TSPAN5: variants seen among roughly 807,000 people sequenced by gnomAD.
TSPAN5 encodes the protein tetraspanin-5.
In TSPAN5, 10 loss-of-function variants were observed where a neutral mutation model predicts 37.1. The ratio of observed to expected loss-of-function variants is 0.27; its 90% CI spans 0.17 to 0.46. The LOEUF (loss-of-function observed/expected upper bound fraction) is 0.46. Ranked by LOEUF, TSPAN5 falls within the 20% of genes least tolerant of loss-of-function variation. The pLI is 1.00. For synonymous variants in TSPAN5, 110 were observed against 118.9 expected (o/e 0.93, Z 0.48); for missense variants, 195 against 326.6 (o/e 0.60, Z 3.11).
intron 5 of TSPAN5, 124 bp from the exon 6 acceptor site, chr4:98,476,584 G>C (rs776035563): frequency 8.4e-6 from 7 of 836,800 alleles, no homozygotes; most frequent in Non-Finnish European, 1.4e-5. Context: ...AAAGACTGCA[G>C]CACTATGTTA....
chr4:98,607,307 T>C (rs532380456), intron 1 of TSPAN5, among the ~76,000 whole-genome samples: 93 of 152,232 alleles, frequency 6.1e-4, no homozygotes, highest in Non-Finnish European at 1.3e-4. Flanking sequence ...ATTAGTTTTG[T>C]GGAAGTGGAA....
intron 1 of TSPAN5, among the ~76,000 whole-genome samples, chr4:98,588,387 C>G (rs537237595): frequency 8.7e-5 from 13 of 150,006 alleles, no homozygotes; most frequent in African/African-American, 1.2e-4. Context: ...GTGTTAACTT[C>G]GGTTCAAAAA....
At chr4:98,554,636 C>T (rs1399417487) in intron 1 of TSPAN5, among the ~76,000 whole-genome samples, 4 of 152,118 alleles carry the variant, frequency 2.6e-5, no homozygotes, top group Non-Finnish European at 4.4e-5. Context: ...TGGTTAAATG[C>T]CTTTGCACGC....
chr4:98,481,285 C>G (rs928227647), intron 4 of TSPAN5, among the ~76,000 whole-genome samples: 1 of 152,142 alleles, frequency 6.6e-6, no homozygotes, highest in African/African-American at 2.4e-5. Context: ...CCCAGGGTCC[C>G]TTATCAGATT....
intron 1 of TSPAN5, among the ~76,000 whole-genome samples, chr4:98,634,829 AAC>A (rs1316883277): frequency 2.6e-5 from 4 of 152,218 alleles, no homozygotes; most frequent in African/African-American, 9.6e-5. Flanking sequence ...AGGGATTATA[AAC>A]CCAACTGGAC....
At chr4:98,624,054 T>G (rs1270030123) in intron 1 of TSPAN5, among the ~76,000 whole-genome samples, 2 of 152,164 alleles carry the variant, frequency 1.3e-5, no homozygotes, top group Admixed American at 1.3e-4. Context: ...ATTACCAAAT[T>G]GAATCATATT....
At chr4:98,591,943 T>C (rs1246089234) in intron 1 of TSPAN5, among the ~76,000 whole-genome samples, 2 of 151,402 alleles carry the variant, frequency 1.3e-5, no homozygotes, top group South Asian at 4.2e-4. Context: ...GAAGGACTTA[T>C]ACTCCCTTAT....
chr4:98,598,351 A>G (rs1755800994), intron 1 of TSPAN5, among the ~76,000 whole-genome samples: 2 of 147,224 alleles, frequency 1.4e-5, no homozygotes, highest in Non-Finnish European at 3.0e-5. Context: ...CTCCCTAGTG[A>G]GATGAACCCG....
At chr4:98,604,460 G>T (rs1464527912) in intron 1 of TSPAN5, among the ~76,000 whole-genome samples, 1 of 152,184 alleles carries the variant, frequency 6.6e-6, no homozygotes, top group Non-Finnish European at 1.5e-5. Context: ...AACTGAATTG[G>T]TGAGATGAAT....
rs1046444023 is a variant in TSPAN5, at chr4:98,574,882, A to C, written c.82-67154T>G. 2.2e-4 allele frequency: 34 copies of C among 152,430 alleles called. 1 individual carries two copies. The highest frequency in any genetic ancestry group is 1.5e-5 in the Non-Finnish European group (1 of 68,078). The allele number at this position is 152,430 out of a possible 1,614,324, so 9.4% of individuals were successfully genotyped here. A position where few individuals can be genotyped will look rare whatever the true frequency, so the allele number is the denominator to read the frequency against. On this transcript the variant is annotated intron_variant, in intron 1 of 7. Coordinates refer to ENST00000305798, the MANE Select transcript of TSPAN5 (RefSeq NM_005723.4). ...TAATCCATTTAAATGGTCTTTGTCC[A>C]CTGTCCAATGCATTTAAGTCCTCCT... is the stretch of plus-strand genomic sequence containing the variant.
At chr4:98,554,165 T>C (rs956415208) in intron 1 of TSPAN5, among the ~76,000 whole-genome samples, 1 of 152,202 alleles carries the variant, frequency 6.6e-6, no homozygotes, top group Non-Finnish European at 1.5e-5. Flanking sequence ...AAGCATAACT[T>C]CAATTCCATT....
At chr4:98,610,528 A>C (rs943577981) in intron 1 of TSPAN5, among the ~76,000 whole-genome samples, 69 of 152,248 alleles carry the variant, frequency 4.5e-4, no homozygotes, top group African/African-American at 1.6e-3. Context: ...TAGGCCCTTC[A>C]TGATGAGCAG....
intron 1 of TSPAN5, among the ~76,000 whole-genome samples, chr4:98,600,440 C>T (rs1482942670): frequency 2.0e-5 from 3 of 152,186 alleles, no homozygotes; most frequent in African/African-American, 7.2e-5. Flanking sequence ...TTCTCAAACC[C>T]TGTTTTATCA....
chr4:98,572,037 G>C (rs980461781), intron 1 of TSPAN5, among the ~76,000 whole-genome samples: 15 of 152,094 alleles, frequency 9.9e-5, no homozygotes, highest in Non-Finnish European at 1.5e-4. Flanking sequence ...ACAGTGGTGC[G>C]ATCCTGGCTC....
chr4:98,592,431 T>TG (rs1755665516), intron 1 of TSPAN5, among the ~76,000 whole-genome samples: 3 of 41,092 alleles, frequency 7.3e-5, no homozygotes, highest in African/African-American at 2.8e-4. Context: ...GTTTTTTGTT[T>TG]TTTTTTTTTT....
At chr4:98,523,737 C>A (rs1173799694) in intron 1 of TSPAN5, among the ~76,000 whole-genome samples, 1 of 152,190 alleles carries the variant, frequency 6.6e-6, no homozygotes, top group East Asian at 1.9e-4. Flanking sequence ...CCGTGCCCAG[C>A]TTTTATCTTT....
intron 1 of TSPAN5, among the ~76,000 whole-genome samples, chr4:98,516,914 G>A (rs1364332074): frequency 2.0e-5 from 3 of 152,160 alleles, no homozygotes; most frequent in Admixed American, 6.5e-5. Context: ...GATGCAGCAT[G>A]GAAGCCCTTG....
In TSPAN5 at chr4:98,486,825, G is replaced by C. The variant is rs774284281; in HGVS notation, c.192C>G (p.Leu64=). Residue 64 remains leucine, a synonymous_variant, in exon 3 of 8, where the codon CTC becomes CTG. Coordinates refer to ENST00000305798, the MANE Select transcript of TSPAN5 (RefSeq NM_005723.4). ...ACATCACTCCTCCCACCACAAGGAAGAGCCAAACTGGGTCAAAGCCGCCGA... is the reference window on the plus strand; with the variant it reads ...ACATCACTCCTCCCACCACAAGGAACAGCCAAACTGGGTCAAAGCCGCCGA... ...TDLGGFDPVW[L]FLVVGGVMFI... 1 of 1,614,128 alleles carries C rather than the reference G, an allele frequency of 6.2e-7. No individual in the cohort carries two copies. Among genetic ancestry groups the C allele is most frequent in the Non-Finnish European group, 8.5e-7 (1 of 1,180,028 alleles).
intron 1 of TSPAN5, among the ~76,000 whole-genome samples, chr4:98,582,562 A>T (rs1755394312): frequency 6.6e-6 from 1 of 152,254 alleles, no homozygotes; most frequent in South Asian, 2.1e-4. Context: ...CACAAATCTC[A>T]TCTCCAAAAA....
Sources: gnomAD v4.1 joint callset for allele counts (sites outside exome capture counted in the v4.1 genomes callset) on GRCh38, gnomAD v4.1.1 for gene constraint, MANE v1.5 for transcripts, NCBI Gene and HGNC (gene_info 2026-07-23, HGNC 2026-07-21) for gene names.